Variants in GLIS1 observed in about 807,000 individuals in gnomAD.
GLIS1 encodes GLIS family zinc finger 1, also known as zinc finger protein GLIS1.
GLIS1 carries 24 observed loss-of-function variants against 63.8 expected under a neutral mutation model. The observed-to-expected ratio is 0.38, with a 90% CI of 0.27 to 0.53. GLIS1 has a LOEUF of 0.53. Ranked by LOEUF, GLIS1 falls within the 20% of genes least tolerant of loss-of-function variation. The probability of loss-of-function intolerance (pLI) is 0.85; values close to 1 mark genes in which losing one functional copy is unlikely to be tolerated. For synonymous variants in GLIS1, 450 were observed against 482.5 expected (o/e 0.93, Z 0.88); for missense variants, 1,036 against 1,074.1 (o/e 0.96, Z 0.50).
At chr1:53,543,291 C>T (rs920223593) in intron 4 of GLIS1, among the ~76,000 whole-genome samples, 1 of 151,902 alleles carries the variant, frequency 6.6e-6, no homozygotes, top group African/African-American at 2.4e-5. Context: ...GCGAGGAAAA[C>T]TGCCGCTGAT....
At chr1:53,555,301 C>A (rs140958670) in intron 4 of GLIS1, among the ~76,000 whole-genome samples, 4 of 152,136 alleles carry the variant, frequency 2.6e-5, no homozygotes, top group South Asian at 2.1e-4. Flanking sequence ...GAGGCCGAGG[C>A]GGGCGGATCA....
In GLIS1 at chr1:53,701,752, G is replaced by C. The variant is rs377328055; in HGVS notation, c.259+36054C>G. Among the ~76,000 whole-genome samples the C allele has an allele frequency of 7.9e-5, 12 of 152,230 alleles. 1 individual carries two copies. In the South Asian group the frequency reaches 1.2e-3, roughly 16 times the overall value. On this transcript the variant is annotated intron_variant, in intron 2 of 10. Coordinates refer to ENST00000628545, the MANE Select transcript of GLIS1 (RefSeq NM_001367484.1). Reference sequence around the variant, plus strand: ...TCATGCCTGTAATCCCAGCACTTTGGGGGGCCGAGGCCAGTGGATCACTTT... The same window carrying C: ...TCATGCCTGTAATCCCAGCACTTTGCGGGGCCGAGGCCAGTGGATCACTTT...
intron 4 of GLIS1, among the ~76,000 whole-genome samples, chr1:53,535,880 G>A (rs1434785906): frequency 6.6e-6 from 1 of 152,002 alleles, no homozygotes; most frequent in Non-Finnish European, 1.5e-5. Context: ...TGGCATTCTG[G>A]CCAGCATGAT....
intron 4 of GLIS1, among the ~76,000 whole-genome samples, chr1:53,589,102 G>A (rs1377766089): frequency 1.3e-5 from 2 of 152,066 alleles, no homozygotes; most frequent in Non-Finnish European, 2.9e-5. Context: ...GGCCTCTCTG[G>A]GCCTCGGAGG....
At position 53,539,005 on chromosome 1, in the gene GLIS1, G is replaced by C. The variant is rs1271090230; in HGVS notation, c.1321-9053C>G. Among the ~76,000 whole-genome samples, 1 of 152,066 alleles carries C rather than the reference G, an allele frequency of 6.6e-6. No homozygotes were observed. Among genetic ancestry groups the C allele is most frequent in the African/African-American group, 2.4e-5 (1 of 41,372 alleles). On this transcript the variant is annotated intron_variant, in intron 4 of 10. Transcript: ENST00000628545. This position sits in a 1 kb window ranked among gnomAD's most constrained non-coding sequence, Gnocchi z 5.0. ...GGCCCAAGTGGACAGGTGGGATCCA[G>C]GGGCTCTCCCAGTGCAGAGCTGTGG...
chr1:53,640,360 G>A (rs1366066608), intron 2 of GLIS1, among the ~76,000 whole-genome samples: 1 of 150,322 alleles, frequency 6.7e-6, no homozygotes, highest in Non-Finnish European at 1.5e-5. Context: ...AACCAAATGG[G>A]AGGAATATAA....
intron 2 of GLIS1, among the ~76,000 whole-genome samples, chr1:53,642,176 G>A (rs1166501831): frequency 2.0e-5 from 3 of 152,228 alleles, no homozygotes; most frequent in Admixed American, 6.5e-5. Context: ...TCCCCATTAC[G>A]AGGACTGGTG....
chr1:53,655,443 G>A (rs535843752), intron 2 of GLIS1, among the ~76,000 whole-genome samples: 1 of 152,240 alleles, frequency 6.6e-6, no homozygotes, highest in East Asian at 1.9e-4. Context: ...GGGGTGCAAG[G>A]AAGTTCTCCG....
At chr1:53,667,167 C>T (rs1487789772) in intron 2 of GLIS1, among the ~76,000 whole-genome samples, 1 of 152,250 alleles carries the variant, frequency 6.6e-6, no homozygotes, top group African/African-American at 2.4e-5. Context: ...GCACTGTGCA[C>T]ATGTGTGTGC....
Position 53,594,544 on chromosome 1 carries a change from GC to G in GLIS1, c.883del (p.Ala295ProfsTer26). The G allele has an allele frequency of 6.2e-7, 1 of 1,604,988 alleles. No individual in the cohort carries two copies. Among genetic ancestry groups the G allele is most frequent in the Non-Finnish European group, 8.5e-7 (1 of 1,173,504 alleles). On this transcript the variant is annotated frameshift_variant, in exon 4 of 11. Coordinates refer to ENST00000628545, the MANE Select transcript of GLIS1 (RefSeq NM_001367484.1). LOFTEE classifies it high-confidence loss of function. Reference protein sequence around the residue: ...TGDLGGPSKRARPGPASTDSH... With the variant: ...TGDLGGPSKRXRPGPASTDSH... Reference sequence around the variant, plus strand: ...GTCCGTCGATGCAGGGCCAGGCCGGGCCCGCTTGGAAGGGCCCCCCAGATCT... The same window carrying G: ...GTCCGTCGATGCAGGGCCAGGCCGGGCCGCTTGGAAGGGCCCCCCAGATCT...
intron 2 of GLIS1, among the ~76,000 whole-genome samples, chr1:53,617,722 A>T (rs969792365): frequency 2.0e-5 from 3 of 152,242 alleles, no homozygotes; most frequent in Non-Finnish European, 4.4e-5. Context: ...AAAAATTTTT[A>T]AAAGATGGTG....
chr1:53,547,533 T>TCCCAGG (rs1056652053), intron 4 of GLIS1, among the ~76,000 whole-genome samples: 1 of 152,146 alleles, frequency 6.6e-6, no homozygotes, highest in African/African-American at 2.4e-5. Context: ...AGGCTCCACT[T>TCCCAGG]CCCAGGCCCT....
chr1:53,623,494 C>T (rs891914301), intron 2 of GLIS1, among the ~76,000 whole-genome samples: 3 of 152,066 alleles, frequency 2.0e-5, no homozygotes, highest in Admixed American at 2.0e-4. Flanking sequence ...CAAGGATGTC[C>T]GCACTCACTA....
In GLIS1 at chr1:53,690,581, C is replaced by T. The variant is rs80005977; in HGVS notation, c.259+47225G>A. On this transcript the variant is annotated intron_variant, in intron 2 of 10. Transcript: ENST00000628545. Reference sequence around the variant, plus strand: ...AAGCAGGACGCTGTGGCGCAGCCTGCGCTGTCCAGTGCTGTTCAGAATGCC... The same window carrying T: ...AAGCAGGACGCTGTGGCGCAGCCTGTGCTGTCCAGTGCTGTTCAGAATGCC... Among the ~76,000 whole-genome samples, 78 of 152,296 alleles carry T rather than the reference C, an allele frequency of 5.1e-4. 1 individual carries two copies. In the East Asian group the frequency reaches 0.013, roughly 25 times the overall value.
intron 2 of GLIS1, among the ~76,000 whole-genome samples, chr1:53,697,474 G>A (rs1646477617): frequency 6.6e-6 from 1 of 152,154 alleles, no homozygotes; most frequent in Non-Finnish European, 1.5e-5. Context: ...CCTCCTCTGG[G>A]GGCCACTGTC....
intron 2 of GLIS1, among the ~76,000 whole-genome samples, chr1:53,618,931 G>C (rs936885317): frequency 5.9e-5 from 9 of 152,186 alleles, no homozygotes; most frequent in Non-Finnish European, 2.9e-5. Flanking sequence ...TTCTGTCTTA[G>C]GCAGCAACCA....
intron 2 of GLIS1, among the ~76,000 whole-genome samples, chr1:53,614,791 C>T (rs907580050): frequency 6.4e-5 from 9 of 140,916 alleles, no homozygotes; most frequent in African/African-American, 2.4e-4. Flanking sequence ...TTCTCTCACA[C>T]GCACACACAC....
intron 2 of GLIS1, among the ~76,000 whole-genome samples, chr1:53,659,958 C>T (rs1013545788): frequency 1.3e-5 from 2 of 152,228 alleles, no homozygotes; most frequent in African/African-American, 2.4e-5. Flanking sequence ...GCCCTGCTCC[C>T]TCCTGGCTGG....
intron 2 of GLIS1, among the ~76,000 whole-genome samples, chr1:53,665,868 C>CAGCAA (rs1297213727): frequency 1.3e-5 from 2 of 152,142 alleles, no homozygotes; most frequent in African/African-American, 4.8e-5. Flanking sequence ...CCCTTGGATC[C>CAGCAA]AGCAACATCG....
Sources: gnomAD v4.1 joint callset for allele counts (sites outside exome capture counted in the v4.1 genomes callset) on GRCh38, gnomAD v4.1.1 for gene constraint, Gnocchi (gnomAD v3.1) non-coding constraint, MANE v1.5 for transcripts, NCBI Gene and HGNC (gene_info 2026-07-23, HGNC 2026-07-21) for gene names.